Variants in PEAK1 observed in about 807,000 individuals in gnomAD.
PEAK1 encodes the protein inactive tyrosine-protein kinase PEAK1.
PEAK1 carries 54 observed loss-of-function variants against 124.7 expected under a neutral mutation model. The observed-to-expected ratio is 0.43, with a 90% CI of 0.35 to 0.54. PEAK1 has a LOEUF of 0.54. PEAK1 is among the 20% of genes least tolerant of loss of function. The pLI is 0.01. For missense variants in PEAK1, 2,046 were observed against 2,134.5 expected (o/e 0.96, Z 0.82); for synonymous variants, 719 against 760.0 (o/e 0.95, Z 0.89).
chr15:77,404,041 T>C (rs899480965), intron 1 of PEAK1: 15 of 982,900 alleles, frequency 1.5e-5, no homozygotes, highest in Admixed American at 6.1e-5. Context: ...AACAGAACTT[T>C]AGAATATAGA....
chr15:77,242,107 A>G (rs1348954161), intron 6 of PEAK1, among the ~76,000 whole-genome samples: 1 of 152,006 alleles, frequency 6.6e-6, no homozygotes, highest in Non-Finnish European at 1.5e-5. Context: ...TATGTTCCAT[A>G]TTTCTCTATT....
chr15:77,331,551 A>G (rs2065892061), intron 2 of PEAK1, among the ~76,000 whole-genome samples: 1 of 152,226 alleles, frequency 6.6e-6, no homozygotes, highest in Admixed American at 6.5e-5. Context: ...TCTCTAGGAT[A>G]AATTATTTTA....
At chr15:77,251,490 T>C (rs2152925612) in intron 6 of PEAK1, among the ~76,000 whole-genome samples, 1 of 152,278 alleles carries the variant, frequency 6.6e-6, no homozygotes, top group Admixed American at 6.5e-5. Context: ...ATAAGATCTC[T>C]AGAAACTAGA....
At chr15:77,283,804 A>T (rs1269008545) in intron 5 of PEAK1, 79 bp downstream of exon 5, 17 of 637,466 alleles carry the variant, frequency 2.7e-5, no homozygotes, top group Non-Finnish European at 2.9e-5. Context: ...AAAGTCAATT[A>T]TGCTTATTCT....
chr15:77,225,609 C>A (rs1459117777), intron 6 of PEAK1, among the ~76,000 whole-genome samples: 3 of 140,996 alleles, frequency 2.1e-5, no homozygotes, highest in African/African-American at 7.8e-5. Flanking sequence ...ATGGTGAAAT[C>A]TGAGCAAGAC....
chr15:77,246,976 CCAGTGA>C (rs1838864728), intron 6 of PEAK1, among the ~76,000 whole-genome samples: 1 of 151,892 alleles, frequency 6.6e-6, no homozygotes, highest in African/African-American at 2.4e-5. Context: ...CGAGATCGTG[CCAGTGA>C]ACTCCAGCCT....
At chr15:77,408,814 C>T (rs978625485) in intron 1 of PEAK1, among the ~76,000 whole-genome samples, 19 of 152,068 alleles carry the variant, frequency 1.2e-4, no homozygotes, top group Admixed American at 9.8e-4. Flanking sequence ...CTCATGCCTG[C>T]AATCACAGCA....
At position 77,404,529 on chromosome 15, in the gene PEAK1, A is replaced by C. The variant is rs550830148; in HGVS notation, c.-666+15477T>G. 57 of 583,388 alleles carry C rather than the reference A, an allele frequency of 9.8e-5. No individual in the cohort carries two copies. In the South Asian group the frequency reaches 3.8e-3, roughly 39 times the overall value. 36.1% of individuals were successfully genotyped at this position (583,388 alleles called of 1,614,324 possible). Reference sequence around the variant, plus strand: ...TAGAATAAAATATATCATTAAAATTAATTTCACCTGCTTTTTTGTACTTTT... The same window carrying C: ...TAGAATAAAATATATCATTAAAATTCATTTCACCTGCTTTTTTGTACTTTT... On this transcript the variant is annotated intron_variant, in intron 1 of 9. Transcript: ENST00000682557.
intron 1 of PEAK1, chr15:77,381,205 A>T: frequency 3.1e-6 from 3 of 981,804 alleles, no homozygotes; most frequent in Non-Finnish European, 3.6e-6. Context: ...TACAGTTGGG[A>T]GACAATGGAA....
At chr15:77,417,577 T>C (rs1419800584) in intron 1 of PEAK1, 2 of 985,270 alleles carry the variant, frequency 2.0e-6, no homozygotes, top group South Asian at 4.7e-5. Flanking sequence ...AACACTGATA[T>C]GGAGCCTTGT....
chr15:77,329,991 G>C (rs941394876), intron 2 of PEAK1, among the ~76,000 whole-genome samples: 25 of 151,756 alleles, frequency 1.6e-4, no homozygotes, highest in Non-Finnish European at 2.2e-4. Flanking sequence ...TCACAAGACA[G>C]AAGTGACTAC....
At chr15:77,399,001 C>T (rs1478233467) in intron 1 of PEAK1, among the ~76,000 whole-genome samples, 1 of 151,806 alleles carries the variant, frequency 6.6e-6, no homozygotes, top group African/African-American at 2.4e-5. Flanking sequence ...GAAAGCAATC[C>T]CATTTACAAT....
intron 1 of PEAK1, among the ~76,000 whole-genome samples, chr15:77,382,625 C>T (rs1340725237): frequency 6.6e-6 from 1 of 152,126 alleles, no homozygotes; most frequent in Non-Finnish European, 1.5e-5. Flanking sequence ...GGAATGCTTG[C>T]CACATTATAG....
intron 8 of PEAK1, among the ~76,000 whole-genome samples, chr15:77,138,047 A>ATT (rs2053479558): frequency 6.6e-6 from 1 of 152,168 alleles, no homozygotes. Flanking sequence ...TGCCATTCAC[A>ATT]TAAGATGTGA....
intron 5 of PEAK1, among the ~76,000 whole-genome samples, chr15:77,270,700 A>G (rs1038351791): frequency 6.6e-6 from 1 of 152,150 alleles, no homozygotes; most frequent in Non-Finnish European, 1.5e-5. Context: ...GTTTTTTCCA[A>G]TTCTGTGAAG....
At position 77,133,851 on chromosome 15, in the gene PEAK1, A is replaced by G. The variant is rs569044263; in HGVS notation, c.3332-101T>C. ...CAGAAATGAGTGAGGTAGCCATGGG[A>G]ATGTAAGAATAAGTCAACTCTTTAG... On this transcript the variant is annotated intron_variant, in intron 8 of 9. Transcript: ENST00000682557. This position sits in a 1 kb window ranked among gnomAD's most constrained non-coding sequence, Gnocchi z 4.2. 1.7e-4 allele frequency: 219 copies of G among 1,282,218 alleles called. No homozygotes were observed. The African/African-American group carries it at 3.0e-3, about 18-fold the overall frequency. The allele number at this position is 1,282,218 out of a possible 1,614,324, so 79.4% of individuals were successfully genotyped here.
At chr15:77,350,498 A>AT in intron 2 of PEAK1, 1 of 984,876 alleles carries the variant, frequency 1.0e-6, no homozygotes, top group Non-Finnish European at 1.2e-6. Context: ...TCTTCTAAGA[A>AT]TTTTTTAAGC....
rs779032038 is a variant in PEAK1 at position 77,133,709 on chromosome 15, G to C, written c.3373C>G (p.Gln1125Glu). 6.2e-6 allele frequency: 10 copies of C among 1,612,570 alleles called. No homozygotes were observed. The highest frequency in any genetic ancestry group is 7.6e-6 in the Non-Finnish European group (9 of 1,179,400). Residue 1125 changes from glutamine (Q) to glutamate (E), a missense_variant, in exon 9 of 10, where the codon CAG (glutamine) becomes GAG (glutamate). Physicochemically the swap from Gln to Glu is conservative, Grantham distance 29. Transcript: ENST00000682557. This position sits in a 1 kb window ranked among gnomAD's most constrained non-coding sequence, Gnocchi z 4.2. Reference protein sequence around the residue: ...AAMIPPKQPRQPKGAVDDAIA... With the variant: ...AAMIPPKQPREPKGAVDDAIA... ...GCATCGTCCACAGCTCCCTTGGGCT[G>C]TCGTGGCTGCTTGGGAGGTATCATG...
intron 2 of PEAK1, among the ~76,000 whole-genome samples, chr15:77,291,450 G>C (rs2063207638): frequency 6.6e-6 from 1 of 152,144 alleles, no homozygotes; most frequent in African/African-American, 2.4e-5. Flanking sequence ...TTACAAGCTT[G>C]CTAAAGAGAA....
Sources: gnomAD v4.1 joint callset for allele counts (sites outside exome capture counted in the v4.1 genomes callset) on GRCh38, gnomAD v4.1.1 for gene constraint, Gnocchi (gnomAD v3.1) non-coding constraint, MANE v1.5 for transcripts, NCBI Gene and HGNC (gene_info 2026-07-23, HGNC 2026-07-21) for gene names.